Variants in RBM33 observed in about 807,000 individuals in gnomAD.
RBM33 encodes RNA binding motif protein 33.
Under a neutral mutation model 132.6 loss-of-function variants are expected in RBM33, and 28 were observed. The ratio of observed to expected loss-of-function variants is 0.21; its 90% CI spans 0.16 to 0.29. The LOEUF is 0.29. RBM33 is among the 10% of genes least tolerant of loss of function. The pLI is 1.00. For missense variants in RBM33, 1,291 were observed against 1,518.5 expected (o/e 0.85, Z 2.49); for synonymous variants, 634 against 593.0 (o/e 1.07, Z -1.01).
intron 9 of RBM33, among the ~76,000 whole-genome samples, chr7:155,720,794 A>C (rs115574089): frequency 0.036 from 5,504 of 152,216 alleles, 326 homozygotes; most frequent in African/African-American, 0.13. Context: ...CTTGGTTCTT[A>C]TGGATGGCCG....
At chr7:155,744,287 CT>C (rs1801446011) in intron 13 of RBM33, among the ~76,000 whole-genome samples, 1 of 152,086 alleles carries the variant, frequency 6.6e-6, no homozygotes, top group Non-Finnish European at 1.5e-5. Context: ...CTATTGGATG[CT>C]TTTTATTGAA....
chr7:155,694,901 T>A (rs962755724), intron 5 of RBM33, among the ~76,000 whole-genome samples: 1 of 152,236 alleles, frequency 6.6e-6, no homozygotes, highest in Non-Finnish European at 1.5e-5. Context: ...TGTTTTTGTT[T>A]CTCTTGGTTA....
chr7:155,727,387 GCT>G (rs1370311475), intron 9 of RBM33, among the ~76,000 whole-genome samples: 1 of 152,190 alleles, frequency 6.6e-6, no homozygotes, highest in Admixed American at 6.5e-5. Context: ...TAAAATTAGG[GCT>G]CTGTTACTAA....
At chr7:155,726,962 T>C (rs1421802361) in intron 9 of RBM33, among the ~76,000 whole-genome samples, 1 of 152,220 alleles carries the variant, frequency 6.6e-6, no homozygotes, top group East Asian at 1.9e-4. Flanking sequence ...AGAGGAAAAG[T>C]GACTTGTGTG....
intron 8 of RBM33, among the ~76,000 whole-genome samples, chr7:155,713,938 G>C (rs531765218): frequency 6.6e-6 from 1 of 152,106 alleles, no homozygotes; most frequent in African/African-American, 2.4e-5. Context: ...GGATGGGCAG[G>C]TGGAGGAGTC....
At chr7:155,655,165 C>T (rs1477467) in intron 1 of RBM33, among the ~76,000 whole-genome samples, 96,740 of 152,020 alleles carry the variant, frequency 0.64, 31,859 homozygotes, top group South Asian at 0.76. Context: ...CACGTGTACA[C>T]GTATGTTTTA....
intron 2 of RBM33, among the ~76,000 whole-genome samples, chr7:155,670,100 C>T (rs1798906202): frequency 6.6e-6 from 1 of 152,164 alleles, no homozygotes; most frequent in Admixed American, 6.5e-5. Context: ...TACTTGTTTC[C>T]TGAAAAACGT....
At chr7:155,677,966 AC>A (rs200120077) in intron 3 of RBM33, among the ~76,000 whole-genome samples, 2 of 151,854 alleles carry the variant, frequency 1.3e-5, no homozygotes, top group Non-Finnish European at 2.9e-5. Flanking sequence ...TGTGAATAAC[AC>A]CCCCCCAACC....
intron 3 of RBM33, among the ~76,000 whole-genome samples, chr7:155,673,491 T>C (rs538180940): frequency 4.8e-5 from 7 of 147,244 alleles, no homozygotes; most frequent in Admixed American, 6.7e-5. Context: ...TGTATATATA[T>C]ACACACATAT....
At position 155,775,649 on chromosome 7, in the gene RBM33, C is replaced by T. The variant is rs891130210; in HGVS notation, c.*608C>T. On this transcript the variant is annotated 3_prime_UTR_variant, in exon 18 of 18. Coordinates refer to ENST00000401878, the MANE Select transcript of RBM33 (RefSeq NM_053043.3). ...TTGAACAGCAGATTCTGCTTCTTGT[C>T]ACTGTTTCAAAAGCGTCAACTCTGT... The T allele has an allele frequency of 6.3e-6, 1 of 158,040 alleles. No homozygotes were observed. The highest frequency in any genetic ancestry group is 2.4e-5 in the African/African-American group (1 of 41,530). The allele number at this position is 158,040 out of a possible 1,614,324, so 9.8% of individuals were successfully genotyped here. A position where few individuals can be genotyped will look rare whatever the true frequency, so the allele number is the denominator to read the frequency against.
In RBM33 at chr7:155,742,004, G is replaced by T. The variant is rs1182870398; in HGVS notation, c.2235G>T (p.Arg745=). 1.9e-6 allele frequency: 3 copies of T among 1,613,862 alleles called. No homozygotes were observed. Among genetic ancestry groups the T allele is most frequent in the African/African-American group, 1.3e-5 (1 of 74,916 alleles). Residue 745 remains arginine, a synonymous_variant, in exon 13 of 18, where the codon CGG becomes CGT. Transcript: ENST00000401878. The part of the protein sequence containing the change: ...KPIVSASPPS[R]AVAGSRSSQG... ...TCGTCAGCGCGTCACCACCCTCGCG[G>T]GCCGTGGCGGGTTCCAGAAGCTCAC...
At chr7:155,657,460 G>C (rs143415583) in intron 1 of RBM33, among the ~76,000 whole-genome samples, 23 of 152,294 alleles carry the variant, frequency 1.5e-4, no homozygotes, top group Non-Finnish European at 2.5e-4. Flanking sequence ...AGCTAGCCTG[G>C]CAAAAAGATG....
At chr7:155,701,743 A>G (rs1350928720) in intron 6 of RBM33, among the ~76,000 whole-genome samples, 1 of 152,226 alleles carries the variant, frequency 6.6e-6, no homozygotes, top group Non-Finnish European at 1.5e-5. Context: ...GCTGGAGTAC[A>G]GTGGCACAAT....
intron 3 of RBM33, among the ~76,000 whole-genome samples, chr7:155,676,812 C>T (rs1799197352): frequency 6.6e-6 from 1 of 152,188 alleles, no homozygotes; most frequent in Non-Finnish European, 1.5e-5. Flanking sequence ...GGATATTGTG[C>T]TTATCACCTC....
At position 155,685,147 on chromosome 7, in the gene RBM33, C is replaced by T. The variant is rs189620282; in HGVS notation, c.567+4239C>T. 222 of 1,282,330 alleles carry T rather than the reference C, an allele frequency of 1.7e-4. 2 individuals carry two copies. The East Asian group carries it at 4.8e-3, about 28-fold the overall frequency. The allele number at this position is 1,282,330 out of a possible 1,614,324, so 79.4% of individuals were successfully genotyped here. On this transcript the variant is annotated intron_variant, in intron 5 of 17. Coordinates refer to ENST00000401878, the MANE Select transcript of RBM33 (RefSeq NM_053043.3). ...TTTTTAGCATTAGCGAAAGTCGATA[C>T]GTATCTTTGAACTGTGAGTGTATAG...
chr7:155,757,035 T>C (rs1801874283), intron 14 of RBM33, among the ~76,000 whole-genome samples: 1 of 152,198 alleles, frequency 6.6e-6, no homozygotes, highest in Admixed American at 6.5e-5. Flanking sequence ...CAGTATGGGC[T>C]GAAGTGTACC....
At chr7:155,753,858 T>A (rs1046864989) in intron 14 of RBM33, among the ~76,000 whole-genome samples, 2 of 152,174 alleles carry the variant, frequency 1.3e-5, no homozygotes, top group Non-Finnish European at 2.9e-5. Context: ...AGTGGTAAAA[T>A]GGCCAACAGG....
intron 12 of RBM33, among the ~76,000 whole-genome samples, chr7:155,740,989 A>G (rs1301866749): frequency 1.2e-4 from 18 of 152,188 alleles, no homozygotes; most frequent in Admixed American, 1.0e-3. Flanking sequence ...CTTGAGCTTC[A>G]GTCATGTCAC....
chr7:155,659,869 C>T (rs1300302813), intron 1 of RBM33, among the ~76,000 whole-genome samples: 1 of 152,218 alleles, frequency 6.6e-6, no homozygotes, highest in Non-Finnish European at 1.5e-5. Flanking sequence ...TCCTTTGCCT[C>T]TTCCAGCTTT....
Sources: gnomAD v4.1 joint callset for allele counts (sites outside exome capture counted in the v4.1 genomes callset) on GRCh38, gnomAD v4.1.1 for gene constraint, MANE v1.5 for transcripts, NCBI Gene and HGNC (gene_info 2026-07-23, HGNC 2026-07-21) for gene names.